OPA3: variants seen among roughly 807,000 people sequenced by gnomAD.
OPA3 encodes the protein outer mitochondrial membrane lipid metabolism regulator OPA3.
A neutral mutation model predicts 4.0 loss-of-function variants in OPA3; 6 were observed. The observed-to-expected ratio is 1.51, with a 90% confidence interval of 0.83 to 2.99. The LOEUF (loss-of-function observed/expected upper bound fraction) is 2.99. OPA3 is among the 30% of genes most tolerant of loss of function. The pLI is 0.00. For synonymous variants in OPA3, 105 were observed against 117.1 expected (o/e 0.90, Z 0.67); for missense variants, 235 against 256.2 (o/e 0.92, Z 0.56).
At chr19:45,537,407 A>AAAAAAAAAAAAAAAC (rs1969131579) in intron 1 of OPA3, among the ~76,000 whole-genome samples, 3 of 125,476 alleles carry the variant, frequency 2.4e-5, no homozygotes, top group East Asian at 2.8e-4. Flanking sequence ...AAAAAAAAAA[A>AAAAAAAAAAAAAAAC]AAAAAAAAAA....
chr19:45,538,126 GA>G (rs35522061), intron 1 of OPA3, among the ~76,000 whole-genome samples: 85,090 of 117,786 alleles, frequency 0.72, 30,067 homozygotes, highest in South Asian at 0.84. Context: ...AATGCCACCT[GA>G]AAAAAAAAAA....
At chr19:45,570,986 G>GGC (rs1568408359) in intron 1 of OPA3, among the ~76,000 whole-genome samples, 1 of 129,308 alleles carries the variant, frequency 7.7e-6, no homozygotes, top group Non-Finnish European at 1.7e-5. Context: ...TTTGGGGGGG[G>GGC]GGGGCATGAA....
In OPA3 at chr19:45,548,880, T is replaced by C; in HGVS notation, c.*4634A>G. 2.2e-6 allele frequency: 1 copy of C among 457,770 alleles called. No individual in the cohort carries two copies. The highest frequency in any genetic ancestry group is 1.6e-4 in the East Asian group (1 of 6,424). 28.4% of individuals were successfully genotyped at this position (457,770 alleles called of 1,614,324 possible). On this transcript the variant is annotated 3_prime_UTR_variant, in exon 2 of 2. Transcript: ENST00000263275. ...GTATAATGGCATGATCTCGGCTCAC[T>C]GCAACCTCCGCCTCCCGGGTCCAAG...
At chr19:45,584,568 C>A in intron 1 of OPA3, 55 bp downstream of exon 1, 1 of 1,613,662 alleles carries the variant, frequency 6.2e-7, no homozygotes, top group Admixed American at 1.7e-5. Context: ...TAAGCAACCA[C>A]CTGACAGGGG....
chr19:45,541,560 TAAATA>T (rs1456916111), downstream of OPA3, among the ~76,000 whole-genome samples: 1 of 151,934 alleles, frequency 6.6e-6, no homozygotes, highest in Non-Finnish European at 1.5e-5. Flanking sequence ...TAAAACAAAA[TAAATA>T]AGAGAAATTT....
intron 1 of OPA3, among the ~76,000 whole-genome samples, chr19:45,530,178 A>G (rs886869391): frequency 3.3e-5 from 5 of 152,038 alleles, no homozygotes; most frequent in African/African-American, 1.2e-4. Context: ...AGACGGTGAA[A>G]CCCCGTCTCT....
intron 1 of OPA3, among the ~76,000 whole-genome samples, chr19:45,575,985 G>A (rs1335330338): frequency 3.3e-5 from 5 of 152,348 alleles, no homozygotes; most frequent in Non-Finnish European, 2.9e-5. Flanking sequence ...TGTAATCCCA[G>A]CACTCTGGGA....
chr19:45,578,073 A>T (rs1969794619), intron 1 of OPA3, among the ~76,000 whole-genome samples: 1 of 152,172 alleles, frequency 6.6e-6, no homozygotes, highest in African/African-American at 2.4e-5. Flanking sequence ...TCTTACTTCC[A>T]ACCTCCAAGC....
chr19:45,583,345 G>C (rs111756156), intron 1 of OPA3, among the ~76,000 whole-genome samples: 1 of 151,310 alleles, frequency 6.6e-6, no homozygotes, highest in Non-Finnish European at 1.5e-5. Flanking sequence ...GTAGAGATGG[G>C]GTTTCACCGT....
chr19:45,531,507 GTCC>G (rs1969061205), intron 1 of OPA3, among the ~76,000 whole-genome samples: 2 of 152,170 alleles, frequency 1.3e-5, no homozygotes, highest in African/African-American at 2.4e-5. Flanking sequence ...CTGCAGGACT[GTCC>G]TCCTTCATAC....
At chr19:45,562,350 AAAAAAAAAAAAAAG>A (rs1969515782) in intron 1 of OPA3, among the ~76,000 whole-genome samples, 1 of 141,402 alleles carries the variant, frequency 7.1e-6, no homozygotes, top group African/African-American at 2.6e-5. Context: ...TCTCAAAAAA[AAAAAAAAAAAAAAG>A]AAAAGAAAAA....
rs1969361001 is a variant in OPA3 at position 45,553,121 on chromosome 19, G to A, written c.*393C>T. 8.6e-7 allele frequency: 1 copy of A among 1,168,746 alleles called. No individual in the cohort carries two copies. Among genetic ancestry groups the A allele is most frequent in the Non-Finnish European group, 1.1e-6 (1 of 939,130 alleles). 72.4% of individuals were successfully genotyped at this position (1,168,746 alleles called of 1,614,324 possible). ...GACAAAAAGAAGAAGGTGTTCCAGT[G>A]TAACAGATGAGTGTCCCAGTAAAGG... is the stretch of plus-strand genomic sequence containing the variant. On this transcript the variant is annotated 3_prime_UTR_variant, in exon 2 of 2. Coordinates refer to ENST00000263275, the MANE Select transcript of OPA3 (RefSeq NM_025136.4).
At position 45,557,126 on chromosome 19, in the gene OPA3, A is replaced by G. The variant is rs142856332; in HGVS notation, c.143-3215T>C. ...CCAGATCCTCTAGCCTTCCTGGGTG[A>G]GGTTCCCAGCGTGGAAATGCAAGTG... is the stretch of plus-strand genomic sequence containing the variant. On this transcript the variant is annotated intron_variant, in intron 1 of 1. Transcript: ENST00000263275. Among the ~76,000 whole-genome samples the G allele has an allele frequency of 2.2e-3, 339 of 152,262 alleles. 2 individuals carry two copies. The highest frequency in any genetic ancestry group is 7.6e-3 in the African/African-American group (315 of 41,564).
At chr19:45,535,004 C>T (rs1362941192) in intron 1 of OPA3, among the ~76,000 whole-genome samples, 1 of 152,084 alleles carries the variant, frequency 6.6e-6, no homozygotes, top group Non-Finnish European at 1.5e-5. Flanking sequence ...TTACAGAGTT[C>T]CCTTGCCTAA....
intron 1 of OPA3, among the ~76,000 whole-genome samples, chr19:45,571,166 C>T (rs1312858823): frequency 6.6e-6 from 1 of 151,478 alleles, no homozygotes; most frequent in Non-Finnish European, 1.5e-5. Flanking sequence ...TTTTTTGAGA[C>T]AGGGTCTTGC....
intron 1 of OPA3, among the ~76,000 whole-genome samples, chr19:45,562,597 G>A (rs1296295009): frequency 6.6e-6 from 1 of 152,154 alleles, no homozygotes; most frequent in Non-Finnish European, 1.5e-5. Context: ...GCTGAGGCAG[G>A]AGAAGCTCTT....
chr19:45,576,062 C>G (rs1969762472), intron 1 of OPA3, among the ~76,000 whole-genome samples: 2 of 147,386 alleles, frequency 1.4e-5, no homozygotes, highest in South Asian at 4.3e-4. Flanking sequence ...GTGAAACCCC[C>G]GTCTCTACTG....
In OPA3 at chr19:45,551,639, G is replaced by A. The variant is rs1969334754; in HGVS notation, c.*1875C>T. The A allele has an allele frequency of 1.1e-6, 1 of 871,148 alleles. No homozygotes were observed. The highest frequency in any genetic ancestry group is 1.8e-5 in the African/African-American group (1 of 54,920). 54.0% of individuals were successfully genotyped at this position (871,148 alleles called of 1,614,324 possible). ...TGAATTAAATTCCTGTTGGACTTAA[G>A]CCATCAAGTTCACCACCCAATGGTG... On this transcript the variant is annotated 3_prime_UTR_variant, in exon 2 of 2. Transcript: ENST00000263275.
chr19:45,540,318 A>AAAAAAAT (rs57589531), intron 1 of OPA3, among the ~76,000 whole-genome samples: 20 of 150,250 alleles, frequency 1.3e-4, no homozygotes, highest in South Asian at 6.3e-4. Context: ...CTCTGTCTCA[A>AAAAAAAT]AAAAAATAAA....
Sources: gnomAD v4.1 joint callset for allele counts (sites outside exome capture counted in the v4.1 genomes callset) on GRCh38, gnomAD v4.1.1 for gene constraint, MANE v1.5 for transcripts, NCBI Gene and HGNC (gene_info 2026-07-23, HGNC 2026-07-21) for gene names.